ZBTB49: variants seen among roughly 807,000 people sequenced by gnomAD.
The protein encoded by ZBTB49 is zinc finger and BTB domain-containing protein 49.
A neutral mutation model predicts 57.5 loss-of-function variants in ZBTB49; 43 were observed. That is an observed-to-expected ratio of 0.75 (90% CI 0.59 to 0.97). The LOEUF (loss-of-function observed/expected upper bound fraction) is 0.97. Among genes scored for constraint, ZBTB49 ranks in the 50% least tolerant of loss-of-function variants. The pLI, the probability that ZBTB49 is intolerant of heterozygous loss-of-function variation, is 0.00. For missense variants in ZBTB49, 938 were observed against 947.7 expected (o/e 0.99, Z 0.13); for synonymous variants, 369 against 362.1 (o/e 1.02, Z -0.22).
chr4:4,292,600 C>G (rs144141475), intron 1 of ZBTB49, among the ~76,000 whole-genome samples: 1 of 152,118 alleles, frequency 6.6e-6, no homozygotes, highest in Non-Finnish European at 1.5e-5. Context: ...AAAGCTAAGA[C>G]AAGATTCCAG....
chr4:4,306,653 A>T (rs1042735339), intron 4 of ZBTB49, among the ~76,000 whole-genome samples: 5 of 152,124 alleles, frequency 3.3e-5, no homozygotes, highest in African/African-American at 1.2e-4. Flanking sequence ...GGTCATTTGG[A>T]CACATAGGCA....
At chr4:4,291,888 T>C (rs1307784622) in intron 1 of ZBTB49, among the ~76,000 whole-genome samples, 1 of 152,160 alleles carries the variant, frequency 6.6e-6, no homozygotes, top group Admixed American at 6.5e-5. Flanking sequence ...CCCAGCGCTT[T>C]GGGAGGCCGA....
chr4:4,297,876 C>T (rs1720288264), intron 1 of ZBTB49, among the ~76,000 whole-genome samples: 1 of 151,904 alleles, frequency 6.6e-6, no homozygotes, highest in Non-Finnish European at 1.5e-5. Flanking sequence ...ATTCTCAGGA[C>T]AGAACCAAAG....
At chr4:4,314,671 C>G (rs906515996) in intron 5 of ZBTB49, among the ~76,000 whole-genome samples, 3 of 152,244 alleles carry the variant, frequency 2.0e-5, no homozygotes, top group African/African-American at 7.2e-5. Flanking sequence ...CGTGCCCAGC[C>G]AAGGCGTGTG....
At chr4:4,315,506 A>G in intron 5 of ZBTB49, 130 bp from the exon 6 acceptor site, 1 of 844,840 alleles carries the variant, frequency 1.2e-6, no homozygotes, top group Non-Finnish European at 1.8e-6. Flanking sequence ...TTCAGATGAA[A>G]CCAGTCCAGT....
rs4689254 is a variant in ZBTB49 at position 4,302,878 on chromosome 4, G to A, written c.1042G>A (p.Ala348Thr). The A allele has an allele frequency of 0.032, 50,949 of 1,613,840 alleles. 5,078 individuals are homozygous for A. The East Asian group carries it at 0.34, about 11-fold the overall frequency. ...ESASKNTLEK[A>T]SSQSAEEKES... is the part of the protein sequence containing the mutation. Reference sequence around the variant, plus strand: ...TGCTAGTAAAAATACCCTAGAGAAAGCTAGCAGCCAAAGTGCTGAAGAAAA... The same window carrying A: ...TGCTAGTAAAAATACCCTAGAGAAAACTAGCAGCCAAAGTGCTGAAGAAAA... Residue 348 changes from alanine to threonine, a missense_variant, in exon 3 of 8, where the codon GCT becomes ACT. This residue lies in a region of ZBTB49 where 835 missense variants were observed against 819.1 expected (regional missense o/e 1.02). Coordinates refer to ENST00000337872, the MANE Select transcript of ZBTB49 (RefSeq NM_145291.4).
At position 4,299,926 on chromosome 4, in the gene ZBTB49, G is replaced by C; in HGVS notation, c.-19-1G>C. On this transcript the variant is annotated splice_acceptor_variant, in intron 1 of 7. Transcript: ENST00000337872. LOFTEE classifies it low-confidence loss of function (5UTR_SPLICE). The stretch of plus-strand genomic sequence containing the variant: ...GTCGTATCTGTGATTTTTTGCTGTA[G>C]GTCACCTGAATGGTTGAGCATGGAC... The C allele has an allele frequency of 1.2e-6, 2 of 1,611,496 alleles. No homozygotes were observed. The highest frequency in any genetic ancestry group is 1.7e-6 in the Non-Finnish European group (2 of 1,178,738).
At chr4:4,315,513 C>T (rs1449566997) in intron 5 of ZBTB49, 123 bp from the exon 6 acceptor site, 8 of 896,120 alleles carry the variant, frequency 8.9e-6, no homozygotes, top group South Asian at 1.7e-5. Flanking sequence ...GAAACCAGTC[C>T]AGTTCACGTT....
chr4:4,316,081 G>T, intron 7 of ZBTB49, 111 bp downstream of exon 7: 1 of 1,388,814 alleles, frequency 7.2e-7, no homozygotes, highest in Non-Finnish European at 9.8e-7. Context: ...GTTTCCTCCT[G>T]TTTTTTTATT....
chr4:4,302,955 G>A lies in ZBTB49; in HGVS notation c.1119G>A (p.Thr373=), dbSNP rs1210300479. ...SCENFNCISE[T]ERPEDPAALE... is the part of the protein sequence containing the mutation. ...AGAATTTTAATTGCATTAGTGAGAC[G>A]GAGAGGCCTGAAGACCCGGCTGCCC... The change falls in exon 3 of 8, where the codon ACG becomes ACA. Residue 373 remains threonine (T), a synonymous_variant. Transcript: ENST00000337872. 3.1e-6 allele frequency: 5 copies of A among 1,614,152 alleles called. No individual in the cohort carries two copies. Among genetic ancestry groups the A allele is most frequent in the Non-Finnish European group, 3.4e-6 (4 of 1,180,028 alleles).
chr4:4,310,637 G>A (rs956156139), intron 4 of ZBTB49, among the ~76,000 whole-genome samples: 9 of 151,118 alleles, frequency 6.0e-5, no homozygotes, highest in Admixed American at 1.3e-4. Context: ...AGCCTCCTGA[G>A]TAGCTGGGAC....
intron 5 of ZBTB49, 93 bp from the exon 6 acceptor site, chr4:4,315,543 G>A: frequency 8.1e-7 from 1 of 1,242,172 alleles, no homozygotes; most frequent in Non-Finnish European, 1.1e-6. Flanking sequence ...AGCAGTGTCA[G>A]GAGCAGGTAT....
At chr4:4,290,690 G>A (rs1719851853) in intron 1 of ZBTB49, among the ~76,000 whole-genome samples, 1 of 152,204 alleles carries the variant, frequency 6.6e-6, no homozygotes, top group African/African-American at 2.4e-5. Context: ...AAGCCAGCCC[G>A]GCCCGCCTCC....
At chr4:4,320,512 C>G (rs1006540274) in intron 7 of ZBTB49, 128 bp from the exon 8 acceptor site, 3 of 1,123,684 alleles carry the variant, frequency 2.7e-6, no homozygotes, top group Non-Finnish European at 3.8e-6. Context: ...TGGTGTCATG[C>G]GCCTGTCGTC....
intron 1 of ZBTB49, among the ~76,000 whole-genome samples, chr4:4,296,245 ACT>A (rs1720195756): frequency 6.6e-6 from 1 of 152,246 alleles, no homozygotes. Flanking sequence ...AGGAAAAGTC[ACT>A]GTCGGGAAAG....
chr4:4,306,009 C>A, intron 3 of ZBTB49, 129 bp from the exon 4 acceptor site: 1 of 663,660 alleles, frequency 1.5e-6, no homozygotes, highest in Non-Finnish European at 2.6e-6. Flanking sequence ...GTAGACACTC[C>A]CTATTTTCAT....
intron 4 of ZBTB49, among the ~76,000 whole-genome samples, chr4:4,310,493 T>C (rs1488341804): frequency 6.6e-6 from 1 of 151,340 alleles, no homozygotes; most frequent in East Asian, 1.9e-4. Context: ...ACGAGAGCTA[T>C]TATTACCACT....
intron 2 of ZBTB49, among the ~76,000 whole-genome samples, chr4:4,300,352 GT>G (rs1488559979): frequency 1.3e-5 from 2 of 152,068 alleles, no homozygotes; most frequent in Non-Finnish European, 2.9e-5. Flanking sequence ...TATTTTGGTT[GT>G]TTGTCTTTCA....
At chr4:4,315,574 A>T in intron 5 of ZBTB49, 62 bp from the exon 6 acceptor site, 1 of 1,516,976 alleles carries the variant, frequency 6.6e-7, no homozygotes, top group Non-Finnish European at 9.0e-7. Context: ...AGAGAGTTGC[A>T]GTTATAAAGA....
Sources: gnomAD v4.1 joint callset for allele counts (sites outside exome capture counted in the v4.1 genomes callset) on GRCh38, gnomAD v4.1.1 for gene constraint, gnomAD v4.1.1 regional missense constraint, MANE v1.5 for transcripts, NCBI Gene and HGNC (gene_info 2026-07-23, HGNC 2026-07-21) for gene names.